The following RAPGEF4 variants were observed in gnomAD, a reference collection of about 807,000 sequenced individuals.
The protein encoded by RAPGEF4 is RAP guanine-nucleotide-exchange factor (GEF) 4.
In RAPGEF4, 66 loss-of-function variants were observed where a neutral mutation model predicts 147.9. The observed-to-expected ratio is 0.45, with a 90% confidence interval of 0.37 to 0.55. The LOEUF (loss-of-function observed/expected upper bound fraction) is 0.55, where lower values mean the gene tolerates loss of function less well. RAPGEF4 is among the 20% of genes least tolerant of loss of function. The pLI is 0.00. For synonymous variants in RAPGEF4, 419 were observed against 442.7 expected (o/e 0.95, Z 0.67); for missense variants, 1,071 against 1,257.3 (o/e 0.85, Z 2.24).
At chr2:173,030,437 A>G (rs1559198528) in intron 26 of RAPGEF4, among the ~76,000 whole-genome samples, 183 bp downstream of exon 26, 1 of 152,160 alleles carries the variant, frequency 6.6e-6, no homozygotes, top group Non-Finnish European at 1.5e-5. Flanking sequence ...TTTAAAAGAT[A>G]TTGTCCTTTT....
intron 1 of RAPGEF4, among the ~76,000 whole-genome samples, chr2:172,787,937 C>T (rs1490193310): frequency 6.6e-6 from 1 of 152,126 alleles, no homozygotes; most frequent in Non-Finnish European, 1.5e-5. Flanking sequence ...GTACGTTAGA[C>T]TAGGTGGCTT....
At chr2:173,044,290 T>G (rs1575594365) in intron 29 of RAPGEF4, among the ~76,000 whole-genome samples, 1 of 146,252 alleles carries the variant, frequency 6.8e-6, no homozygotes, top group Admixed American at 6.8e-5. Context: ...GGGGGGTGAG[T>G]ATTGTCTTAT....
At chr2:172,806,011 C>A (rs1165775624) in intron 3 of RAPGEF4, among the ~76,000 whole-genome samples, 2 of 112,278 alleles carry the variant, frequency 1.8e-5, no homozygotes, top group African/African-American at 6.7e-5. Context: ...CAGATATTAT[C>A]CGGCTGTGTG....
chr2:172,983,459 T>C, intron 10 of RAPGEF4, 37 bp from the exon 11 acceptor site: 1 of 1,575,038 alleles, frequency 6.3e-7, no homozygotes, highest in Non-Finnish European at 8.5e-7. Context: ...AGTGATGCCC[T>C]TTTTCCATAT....
chr2:172,791,645 C>T (rs1259464170), intron 1 of RAPGEF4, among the ~76,000 whole-genome samples: 3 of 152,108 alleles, frequency 2.0e-5, no homozygotes, highest in Non-Finnish European at 4.4e-5. Context: ...AGAATGACAT[C>T]GTTAGGGCCT....
At chr2:172,851,095 C>G (rs958526760) in intron 4 of RAPGEF4, among the ~76,000 whole-genome samples, 2 of 152,152 alleles carry the variant, frequency 1.3e-5, no homozygotes, top group African/African-American at 4.8e-5. Flanking sequence ...ATAAACTTTC[C>G]TCTTAACACA....
chr2:172,846,481 C>G (rs1692206412), intron 4 of RAPGEF4, among the ~76,000 whole-genome samples: 1 of 152,108 alleles, frequency 6.6e-6, no homozygotes, highest in Non-Finnish European at 1.5e-5. Flanking sequence ...ATCTATTCAC[C>G]TGCAAACATT....
chr2:173,020,353 T>C (rs186938690), intron 22 of RAPGEF4, among the ~76,000 whole-genome samples: 7 of 152,306 alleles, frequency 4.6e-5, no homozygotes, highest in Admixed American at 2.6e-4. Flanking sequence ...TGCTCAGTAA[T>C]TATGGTTGCA....
intron 15 of RAPGEF4, 52 bp downstream of exon 15, chr2:172,990,977 A>G (rs763259331): frequency 2.3e-6 from 3 of 1,329,894 alleles, no homozygotes; most frequent in Admixed American, 1.8e-5. Context: ...ACCTTTTCAC[A>G]TGGTATCATC....
At chr2:172,851,522 T>C (rs1299435134) in intron 4 of RAPGEF4, among the ~76,000 whole-genome samples, 4 of 152,014 alleles carry the variant, frequency 2.6e-5, no homozygotes, top group Non-Finnish European at 4.4e-5. Context: ...CTATTCACAA[T>C]AGCAAAGACA....
At chr2:172,931,209 A>G (rs1685931865) in intron 6 of RAPGEF4, among the ~76,000 whole-genome samples, 1 of 121,036 alleles carries the variant, frequency 8.3e-6, no homozygotes, top group Non-Finnish European at 1.8e-5. Context: ...GGGACTGAAC[A>G]GGTGGGAGGG....
intron 3 of RAPGEF4, among the ~76,000 whole-genome samples, chr2:172,807,357 T>G (rs141480176): frequency 6.6e-6 from 1 of 152,360 alleles, no homozygotes; most frequent in East Asian, 1.9e-4. Flanking sequence ...TGCGGCCGGC[T>G]TGCCTGATCT....
chr2:172,814,955 C>T (rs1688360911), intron 4 of RAPGEF4, among the ~76,000 whole-genome samples: 1 of 152,220 alleles, frequency 6.6e-6, no homozygotes, highest in Admixed American at 6.5e-5. Context: ...ATGGATGCAA[C>T]TGGTCCTAGT....
intron 10 of RAPGEF4, among the ~76,000 whole-genome samples, chr2:172,979,162 A>G (rs974603178): frequency 1.3e-5 from 2 of 152,162 alleles, no homozygotes; most frequent in East Asian, 3.8e-4. Flanking sequence ...ATAATTAACT[A>G]TTTGCCATGA....
At chr2:172,814,257 A>G (rs373170157) in intron 3 of RAPGEF4, 22 bp from the exon 4 acceptor site, 22 of 1,612,582 alleles carry the variant, frequency 1.4e-5, no homozygotes, top group Non-Finnish European at 1.6e-5. Flanking sequence ...TTTTCTAATG[A>G]CTAGTTTTTT....
chr2:173,030,072 A>G, intron 25 of RAPGEF4, 92 bp from the exon 26 acceptor site: 1 of 841,214 alleles, frequency 1.2e-6, no homozygotes, highest in Non-Finnish European at 2.0e-6. Flanking sequence ...AGCCCTGACA[A>G]ATATTAATGA....
intron 4 of RAPGEF4, among the ~76,000 whole-genome samples, chr2:172,873,011 G>A (rs1695427913): frequency 6.6e-6 from 1 of 152,130 alleles, no homozygotes; most frequent in Non-Finnish European, 1.5e-5. Flanking sequence ...TTAGTCAAAT[G>A]CAATTGATTG....
intron 4 of RAPGEF4, among the ~76,000 whole-genome samples, chr2:172,888,634 C>G (rs1472363713): frequency 6.6e-6 from 1 of 152,202 alleles, no homozygotes; most frequent in East Asian, 1.9e-4. Context: ...TTCTCAGCCC[C>G]AAATACTGTC....
At chr2:172,736,328 A>T (rs1269455243) in intron 1 of RAPGEF4, 13 of 272,268 alleles carry the variant, frequency 4.8e-5, no homozygotes, top group Non-Finnish European at 8.9e-5. Flanking sequence ...CCCTGCCGCG[A>T]CTCCAGGCTC....
Sources: allele counts gnomAD v4.1 joint callset (sites outside exome capture counted in the v4.1 genomes callset), GRCh38; gene constraint gnomAD v4.1.1; transcripts MANE v1.5; gene names NCBI Gene and HGNC (gene_info 2026-07-23, HGNC 2026-07-21).